WDR72: variants seen among roughly 807,000 people sequenced by gnomAD.
WDR72 encodes the protein WD repeat-containing protein 72.
Under a neutral mutation model 124.2 loss-of-function variants are expected in WDR72, and 120 were observed. The ratio of observed to expected loss-of-function variants is 0.97; its 90% CI spans 0.83 to 1.12. The LOEUF (loss-of-function observed/expected upper bound fraction) is 1.12, where lower values mean the gene tolerates loss of function less well. Among genes scored for constraint, WDR72 ranks in the 50% most tolerant of loss-of-function variants. The probability of loss-of-function intolerance (pLI) is 0.00; values close to 1 mark genes in which losing one functional copy is unlikely to be tolerated. For synonymous variants in WDR72, 452 were observed against 441.7 expected (o/e 1.02, Z -0.29); for missense variants, 1,387 against 1,278.8 (o/e 1.08, Z -1.29).
chr15:53,615,754 G>A lies in WDR72; in HGVS notation c.2452C>T (p.His818Tyr), dbSNP rs757337641. The change falls in exon 15 of 20, where the codon CAC becomes TAC. Residue 818 changes from histidine (H) to tyrosine (Y), a missense_variant. By Grantham distance (83) the His-to-Tyr change is moderately conservative. Transcript: ENST00000360509. Reference protein sequence around the residue: ...DKDLDYLCIKHLNILKLQGPI... With the variant: ...DKDLDYLCIKYLNILKLQGPI... ...CCCTGAAGCTTTAAAATATTGAGGT[G>A]CTTAATGCAAAGATAATCTAAATCT... The A allele has an allele frequency of 1.2e-6, 2 of 1,613,492 alleles. No individual in the cohort carries two copies. Among genetic ancestry groups the A allele is most frequent in the Non-Finnish European group, 1.7e-6 (2 of 1,179,640 alleles).
chr15:53,647,830 A>T (rs2015095412), intron 14 of WDR72, among the ~76,000 whole-genome samples: 2 of 152,158 alleles, frequency 1.3e-5, no homozygotes, highest in African/African-American at 4.8e-5. Flanking sequence ...CAATATATAC[A>T]TGGACAGACA....
chr15:53,633,266 G>A (rs1245665171), intron 14 of WDR72, among the ~76,000 whole-genome samples: 1 of 152,122 alleles, frequency 6.6e-6, no homozygotes, highest in East Asian at 1.9e-4. Flanking sequence ...TGTTTAAAAA[G>A]TGTGTGGCAT....
chr15:53,762,572 C>T (rs1384654689), upstream of WDR72: 2 of 152,436 alleles, frequency 1.3e-5, no homozygotes, highest in East Asian at 1.9e-4. Context: ...CTCACCAATC[C>T]TTTCCTTCTA....
At chr15:53,535,380 C>T (rs1595738572) in intron 18 of WDR72, among the ~76,000 whole-genome samples, 1 of 152,158 alleles carries the variant, frequency 6.6e-6, no homozygotes, top group Admixed American at 6.5e-5. Flanking sequence ...GACAGGGAAC[C>T]ATGATCATCA....
intron 14 of WDR72, among the ~76,000 whole-genome samples, chr15:53,644,141 T>G (rs1317467769): frequency 6.6e-6 from 1 of 152,118 alleles, no homozygotes; most frequent in Non-Finnish European, 1.5e-5. Flanking sequence ...ATTTAAATAT[T>G]TGAGAGGGTA....
chr15:53,529,044 TCCAAAAACTTCTTATTAATG>T (rs942859992), intron 18 of WDR72, among the ~76,000 whole-genome samples: 2 of 151,314 alleles, frequency 1.3e-5, no homozygotes, highest in African/African-American at 4.9e-5. Context: ...ATCAAAAATG[TCCAAAAACTTCTTATTAATG>T]CCAAAAGGAA....
chr15:53,577,312 GGCATGTTAACTATCC>G (rs2011668494), intron 18 of WDR72, among the ~76,000 whole-genome samples: 1 of 151,986 alleles, frequency 6.6e-6, no homozygotes, highest in Non-Finnish European at 1.5e-5. Context: ...AGCCTAAATG[GGCATGTTAACTATCC>G]ATTTACCTGC....
chr15:53,605,679 A>T (rs919909650), intron 17 of WDR72, among the ~76,000 whole-genome samples: 2 of 151,994 alleles, frequency 1.3e-5, no homozygotes, highest in African/African-American at 4.8e-5. Flanking sequence ...ACATGGTGAG[A>T]CTCTGTCTCT....
rs370640356 is a variant in WDR72 at position 53,702,351 on chromosome 15, G to T, written c.1352C>A (p.Ser451Tyr). Residue 451 changes from serine (S) to tyrosine (Y), a missense_variant, in exon 12 of 20, where the codon TCT (serine) becomes TAT (tyrosine). Physicochemically the swap from Ser to Tyr is moderately radical, Grantham distance 144. Coordinates refer to ENST00000360509, the MANE Select transcript of WDR72 (RefSeq NM_182758.4). Reference protein sequence around the residue: ...LLEGGSLVKDSPPHKVLKGHH... With the variant: ...LLEGGSLVKDYPPHKVLKGHH... ...GCCTTTAAGAACTTTATGAGGGGGA[G>T]AATCTGAAAAACAATGAAACACCAA... 45 of 1,610,656 alleles carry T rather than the reference G, an allele frequency of 2.8e-5. No individual in the cohort carries two copies. In the Admixed American group the frequency reaches 7.3e-4, roughly 26 times the overall value.
intron 18 of WDR72, among the ~76,000 whole-genome samples, chr15:53,568,576 C>T (rs1160885074): frequency 6.6e-6 from 1 of 151,952 alleles, no homozygotes; most frequent in African/African-American, 2.4e-5. Flanking sequence ...CCAACTTGCT[C>T]CCCATTGTCA....
Position 53,732,985 on chromosome 15 carries a change from G to C in WDR72, c.153+12C>G. 1 of 1,614,002 alleles carries C rather than the reference G, an allele frequency of 6.2e-7. No individual in the cohort carries two copies. The highest frequency in any genetic ancestry group is 8.5e-7 in the Non-Finnish European group (1 of 1,179,920). On this transcript the variant is annotated intron_variant, in intron 2 of 19. Coordinates refer to ENST00000360509, the MANE Select transcript of WDR72 (RefSeq NM_182758.4). ...AGTGGTGTCTGTTTCAATATCAGTA[G>C]CTTTCACTAACCTTTAGTTCATGTG...
At chr15:53,586,431 C>T (rs1208447542) in intron 18 of WDR72, among the ~76,000 whole-genome samples, 1 of 152,044 alleles carries the variant, frequency 6.6e-6, no homozygotes, top group Non-Finnish European at 1.5e-5. Context: ...AAGTAGATTA[C>T]ATGAACCTAT....
intron 2 of WDR72, among the ~76,000 whole-genome samples, chr15:53,726,939 A>T (rs1313139314): frequency 6.6e-6 from 1 of 152,208 alleles, no homozygotes; most frequent in Non-Finnish European, 1.5e-5. Flanking sequence ...TATTTTGTAA[A>T]ACAAGATGAT....
chr15:53,735,431 C>T lies in WDR72; in HGVS notation c.-12-2270G>A, dbSNP rs183085214. ...GGAAAGAAAGAACAGGGAACAGTGA[C>T]ATTACAATGGGGAGTAAGAAAAGTT... On this transcript the variant is annotated intron_variant, in intron 1 of 19. Coordinates refer to ENST00000360509, the MANE Select transcript of WDR72 (RefSeq NM_182758.4). Among the ~76,000 whole-genome samples the T allele has an allele frequency of 4.6e-5, 7 of 152,208 alleles. No homozygotes were observed. The East Asian group carries it at 1.4e-3, about 29-fold the overall frequency.
intron 17 of WDR72, among the ~76,000 whole-genome samples, chr15:53,598,425 G>T (rs7171915): frequency 6.6e-6 from 1 of 151,994 alleles, no homozygotes; most frequent in Non-Finnish European, 1.5e-5. Context: ...ACAACACCGA[G>T]AGTGGTGACC....
At chr15:53,720,622 A>T (rs1159293931) in intron 3 of WDR72, among the ~76,000 whole-genome samples, 1 of 152,096 alleles carries the variant, frequency 6.6e-6, no homozygotes, top group Non-Finnish European at 1.5e-5. Flanking sequence ...GCTGACAGAT[A>T]TTTTCTGTCC....
chr15:53,683,079 G>C (rs539840320), intron 13 of WDR72, among the ~76,000 whole-genome samples: 3 of 151,906 alleles, frequency 2.0e-5, no homozygotes, highest in Admixed American at 1.3e-4. Flanking sequence ...ATTAGCTCTT[G>C]TGAGAACTCC....
At chr15:53,625,505 G>A (rs1026900827) in intron 14 of WDR72, among the ~76,000 whole-genome samples, 7 of 152,196 alleles carry the variant, frequency 4.6e-5, no homozygotes, top group Non-Finnish European at 7.3e-5. Flanking sequence ...TGGAGAGTTT[G>A]GGAGTAAAAT....
intron 18 of WDR72, among the ~76,000 whole-genome samples, chr15:53,553,769 T>C (rs982614096): frequency 5.3e-5 from 8 of 152,168 alleles, no homozygotes; most frequent in Non-Finnish European, 4.4e-5. Context: ...AAGTACAAGG[T>C]ATTAAGCTAT....
Sources: gnomAD v4.1 joint callset for allele counts (sites outside exome capture counted in the v4.1 genomes callset) on GRCh38, gnomAD v4.1.1 for gene constraint, MANE v1.5 for transcripts, NCBI Gene and HGNC (gene_info 2026-07-23, HGNC 2026-07-21) for gene names.